WDR86: variants seen among roughly 807,000 people sequenced by gnomAD.
WDR86 encodes the protein WD repeat-containing protein 86.
WDR86 carries 30 observed loss-of-function variants against 36.5 expected under a neutral mutation model. The observed-to-expected ratio is 0.82, with a 90% CI of 0.61 to 1.11. The LOEUF (loss-of-function observed/expected upper bound fraction) is 1.11, where lower values mean the gene tolerates loss of function less well. WDR86 is among the 50% of genes most tolerant of loss of function. WDR86 has a pLI of 0.00. For synonymous variants in WDR86, 255 were observed against 252.9 expected, an observed-to-expected ratio of 1.01 and a Z score of -0.08; for missense variants, 545 against 561.2, an observed-to-expected ratio of 0.97 and a Z score of 0.29.
At position 151,381,225 on chromosome 7, in the gene WDR86, C is replaced by T. The variant is rs1798534615; in HGVS notation, c.*357G>A. ...AGTGGCTTCTGTAAAAAGTCACTTCCTCTCAGCAGGAAAGGCCCAGTTTCG... is the reference window on the plus strand; with the variant it reads ...AGTGGCTTCTGTAAAAAGTCACTTCTTCTCAGCAGGAAAGGCCCAGTTTCG... On this transcript the variant is annotated 3_prime_UTR_variant, in exon 6 of 6. Transcript: ENST00000334493. This position sits in a 1 kb window ranked among gnomAD's most constrained non-coding sequence, Gnocchi z 4.8. 1.6e-6 allele frequency: 2 copies of T among 1,277,042 alleles called. No individual in the cohort carries two copies. The highest frequency in any genetic ancestry group is 2.0e-6 in the Non-Finnish European group (2 of 1,015,782). 79.1% of individuals were successfully genotyped at this position (1,277,042 alleles called of 1,614,324 possible).
In WDR86 at chr7:151,401,523, G is replaced by C. The variant is rs1800290370; in HGVS notation, c.164-1282C>G. On this transcript the variant is annotated intron_variant, in intron 1 of 5. Transcript: ENST00000334493. The surrounding 1 kb of genome is among the most constrained non-coding windows in gnomAD (Gnocchi z 4.3). ...GATGGGGACAATGCCTGCCTCACGG[G>C]ATGTAGCGCAGACTGAGGACAGAGG... 1.3e-5 allele frequency among the ~76,000 whole-genome samples: 2 copies of C among 152,188 alleles called. No homozygotes were observed. Among genetic ancestry groups the C allele is most frequent in the African/African-American group, 4.8e-5 (2 of 41,436 alleles).
At chr7:151,389,047 T>G (rs993241209) in intron 3 of WDR86, among the ~76,000 whole-genome samples, 2 of 151,920 alleles carry the variant, frequency 1.3e-5, no homozygotes, top group African/African-American at 2.4e-5. Flanking sequence ...TCTGGAACAG[T>G]GAGAAATACA....
chr7:151,368,955 T>G, the WDR86 span: 1 of 1,473,112 alleles, frequency 6.8e-7, no homozygotes, highest in Non-Finnish European at 9.1e-7. Context: ...CCCACAGGAG[T>G]GTTAATAACC....
downstream of WDR86, among the ~76,000 whole-genome samples, chr7:151,375,298 G>C (rs1035386328): frequency 3.9e-5 from 6 of 152,150 alleles, no homozygotes; most frequent in Non-Finnish European, 1.5e-5. Flanking sequence ...GGGAAATTCT[G>C]AATATTCGAA....
intron 3 of WDR86, among the ~76,000 whole-genome samples, chr7:151,391,240 C>T (rs575882858): frequency 3.3e-5 from 5 of 152,360 alleles, no homozygotes; most frequent in East Asian, 1.9e-4. Flanking sequence ...GGCTAGGGGA[C>T]GCCATACCCA....
At chr7:151,384,015 A>T (rs1798798940) in intron 4 of WDR86, among the ~76,000 whole-genome samples, 1 of 152,272 alleles carries the variant, frequency 6.6e-6, no homozygotes, top group Admixed American at 6.5e-5. Context: ...AGCCTTGGAC[A>T]CAGGAACAAA....
downstream of WDR86, among the ~76,000 whole-genome samples, chr7:151,375,350 G>A (rs906393101): frequency 6.6e-6 from 1 of 152,160 alleles, no homozygotes; most frequent in African/African-American, 2.4e-5. Context: ...TATACGAGTG[G>A]CACAAAAATA....
At chr7:151,404,348 GA>G (rs1361932165) in intron 1 of WDR86, among the ~76,000 whole-genome samples, 1 of 152,218 alleles carries the variant, frequency 6.6e-6, no homozygotes, top group Non-Finnish European at 1.5e-5. Context: ...TTCTGCTGTG[GA>G]CAGGCCTCTT....
chr7:151,373,842 C>T (rs1165357274), downstream of WDR86, among the ~76,000 whole-genome samples: 3 of 152,150 alleles, frequency 2.0e-5, no homozygotes, highest in East Asian at 1.9e-4. Context: ...GCGGGGCTGG[C>T]GAGGCACCTC....
At chr7:151,382,389 G>A (rs1161459580) in intron 4 of WDR86, among the ~76,000 whole-genome samples, 1 of 152,122 alleles carries the variant, frequency 6.6e-6, no homozygotes. Context: ...TCAAATCAAA[G>A]CCCAGCCCTC....
chr7:151,393,158 T>C (rs1799558603), intron 3 of WDR86, among the ~76,000 whole-genome samples: 1 of 152,216 alleles, frequency 6.6e-6, no homozygotes, highest in South Asian at 2.1e-4. Flanking sequence ...CGTGGTATGT[T>C]TGTGGGCATG....
chr7:151,376,316 G>A (rs1038983286), downstream of WDR86: 15 of 478,632 alleles, frequency 3.1e-5, no homozygotes, highest in African/African-American at 2.5e-4. Flanking sequence ...GCCCCTACAC[G>A]CGTTAGCACG....
downstream of WDR86, among the ~76,000 whole-genome samples, chr7:151,378,622 C>T (rs138370645): frequency 1.5e-3 from 227 of 152,234 alleles, no homozygotes; most frequent in African/African-American, 5.2e-3. Flanking sequence ...TGAAAGATGC[C>T]GCACGCCAAG....
downstream of WDR86, among the ~76,000 whole-genome samples, chr7:151,380,154 A>G (rs76427704): frequency 0.06 from 9,182 of 152,070 alleles, 344 homozygotes; most frequent in South Asian, 0.12. Flanking sequence ...TTGCCTCCCA[A>G]CAGGCCCATT....
chr7:151,381,093 T>G (rs955782120), downstream of WDR86: 13 of 1,182,046 alleles, frequency 1.1e-5, no homozygotes, highest in African/African-American at 1.9e-4. This position sits in a 1 kb window ranked among gnomAD's most constrained non-coding sequence, Gnocchi z 4.8. Context: ...TGAGACTCAG[T>G]TTGCAAAACA....
At position 151,401,185 on chromosome 7, in the gene WDR86, C is replaced by T. The variant is rs559894552; in HGVS notation, c.164-944G>A. On this transcript the variant is annotated intron_variant, in intron 1 of 5. Transcript: ENST00000334493. The surrounding 1 kb of genome is among the most constrained non-coding windows in gnomAD (Gnocchi z 4.3). ...GCCTACCCTGACTCCCCTCTTGGGG[C>T]GTCCTGCCTATTCTGCACCTAACTT... Among the ~76,000 whole-genome samples the T allele has an allele frequency of 2.0e-5, 3 of 152,350 alleles. No individual in the cohort carries two copies. Among genetic ancestry groups the T allele is most frequent in the South Asian group, 2.1e-4 (1 of 4,820 alleles).
intron 3 of WDR86, among the ~76,000 whole-genome samples, chr7:151,393,137 ATG>A (rs994149118): frequency 7.7e-4 from 117 of 152,086 alleles, no homozygotes; most frequent in Non-Finnish European, 4.7e-4. Context: ...ACCCATCAAC[ATG>A]TGTGTCTGCG....
rs1026934284 is a variant in WDR86 at position 151,401,800 on chromosome 7, A to C, written c.164-1559T>G. ...CGCGGTGGCTCACGCCTGTAATTCCAGCACTTTGGGAGGCCGAGGCGGGTG... is the reference window on the plus strand; with the variant it reads ...CGCGGTGGCTCACGCCTGTAATTCCCGCACTTTGGGAGGCCGAGGCGGGTG... On this transcript the variant is annotated intron_variant, in intron 1 of 5. Transcript: ENST00000334493. This position sits in a 1 kb window ranked among gnomAD's most constrained non-coding sequence, Gnocchi z 4.3. 5.9e-5 allele frequency among the ~76,000 whole-genome samples: 9 copies of C among 151,970 alleles called. No individual in the cohort carries two copies. The highest frequency in any genetic ancestry group is 1.9e-4 in the African/African-American group (8 of 41,328).
chr7:151,396,126 T>C lies in WDR86; in HGVS notation c.376A>G (p.Lys126Glu), dbSNP rs200781442. ...CGGAACTCCCGGGACATCTGCCCCTTGTCCACACTCCAGACCCGAGCTGTC... is the reference window on the plus strand; with the variant it reads ...CGGAACTCCCGGGACATCTGCCCCTCGTCCACACTCCAGACCCGAGCTGTC... ...DRTARVWSVD[K>E]GQMSREFRGH... Residue 126 changes from lysine to glutamate, a missense_variant, in exon 3 of 6, where the codon AAG becomes GAG. Transcript: ENST00000334493. 1.5e-3 allele frequency: 2,467 copies of C among 1,612,896 alleles called. 1 individual carries two copies. Among genetic ancestry groups the C allele is most frequent in the Non-Finnish European group, 1.9e-3 (2,244 of 1,179,878 alleles).
Sources: gnomAD v4.1 joint callset for allele counts (sites outside exome capture counted in the v4.1 genomes callset) on GRCh38, gnomAD v4.1.1 for gene constraint, Gnocchi (gnomAD v3.1) non-coding constraint, MANE v1.5 for transcripts, NCBI Gene and HGNC (gene_info 2026-07-23, HGNC 2026-07-21) for gene names.